DGKG: variants seen among roughly 807,000 people sequenced by gnomAD.
The protein encoded by DGKG is diacylglycerol kinase gamma, also known as DAG kinase gamma.
In DGKG, 78 loss-of-function variants were observed where a neutral mutation model predicts 105.3. The ratio of observed to expected loss-of-function variants is 0.74; its 90% CI spans 0.62 to 0.89. The LOEUF (loss-of-function observed/expected upper bound fraction) is 0.89. Among genes scored for constraint, DGKG ranks in the 40% least tolerant of loss-of-function variants. DGKG has a pLI of 0.00. For synonymous variants in DGKG, 346 were observed against 367.1 expected, an observed-to-expected ratio of 0.94 and a Z score of 0.66; for missense variants, 958 against 1,020.1, an observed-to-expected ratio of 0.94 and a Z score of 0.83.
chr3:186,203,883 C>T lies in DGKG; in HGVS notation c.1917+7912G>A, dbSNP rs536727329. Among the ~76,000 whole-genome samples, 1 of 152,320 alleles carries T rather than the reference C, an allele frequency of 6.6e-6. No individual in the cohort carries two copies. The highest frequency in any genetic ancestry group is 2.1e-4 in the South Asian group (1 of 4,824). On this transcript the variant is annotated intron_variant, in intron 21 of 24. Transcript: ENST00000265022. This position sits in a 1 kb window ranked among gnomAD's most constrained non-coding sequence, Gnocchi z 4.9. ...ACTTTCCTTACTCCAGGGAAAGGCTCTACCTGTGGTAGCTGAGAAGAAGGT... is the reference window on the plus strand; with the variant it reads ...ACTTTCCTTACTCCAGGGAAAGGCTTTACCTGTGGTAGCTGAGAAGAAGGT...
intron 19 of DGKG, among the ~76,000 whole-genome samples, chr3:186,249,622 G>T (rs1721110939): frequency 6.6e-6 from 1 of 152,140 alleles, no homozygotes; most frequent in Non-Finnish European, 1.5e-5. Flanking sequence ...CAGGTGGATC[G>T]TTTGAGGTCA....
At chr3:186,259,423 T>C (rs1167662587) in intron 16 of DGKG, among the ~76,000 whole-genome samples, 2 of 152,204 alleles carry the variant, frequency 1.3e-5, no homozygotes, top group Admixed American at 1.3e-4. Flanking sequence ...GGCTCTGTTC[T>C]GAAATTACTT....
intron 20 of DGKG, among the ~76,000 whole-genome samples, chr3:186,232,395 AT>A (rs1372027909): frequency 6.6e-6 from 1 of 152,244 alleles, no homozygotes; most frequent in Non-Finnish European, 1.5e-5. Flanking sequence ...CTGAGTGTTT[AT>A]TTCTTGGAGG....
chr3:186,284,903 G>C lies in DGKG; in HGVS notation c.545-194C>G, dbSNP rs1054615206. Among the ~76,000 whole-genome samples, 1 of 152,198 alleles carries C rather than the reference G, an allele frequency of 6.6e-6. No homozygotes were observed. The highest frequency in any genetic ancestry group is 2.1e-4 in the South Asian group (1 of 4,834). On this transcript the variant is annotated intron_variant, in intron 6 of 24. Coordinates refer to ENST00000265022, the MANE Select transcript of DGKG (RefSeq NM_001346.3). This position sits in a 1 kb window ranked among gnomAD's most constrained non-coding sequence, Gnocchi z 4.0. ...CTGGGCCAAGGGAGGAGAACCACCT[G>C]GCTTCTGGACCTGTCTAAGCAATAC... is the stretch of plus-strand genomic sequence containing the variant.
rs148251611 is a variant in DGKG at position 186,203,366 on chromosome 3, T to G, written c.1917+8429A>C. ...TGAAACGAGGCCAATGTTGTAGCAG[T>G]GCTGATTCCTGGTTGGTGGGATTGG... On this transcript the variant is annotated intron_variant, in intron 21 of 24. Coordinates refer to ENST00000265022, the MANE Select transcript of DGKG (RefSeq NM_001346.3). This position sits in a 1 kb window ranked among gnomAD's most constrained non-coding sequence, Gnocchi z 4.9. Among the ~76,000 whole-genome samples, 589 of 152,380 alleles carry G rather than the reference T, an allele frequency of 3.9e-3. 10 individuals are homozygous for G. Among genetic ancestry groups the G allele is most frequent in the Admixed American group, 0.035 (538 of 15,312 alleles).
intron 1 of DGKG, among the ~76,000 whole-genome samples, chr3:186,334,874 A>G (rs917307945): frequency 2.6e-5 from 4 of 152,216 alleles, no homozygotes; most frequent in African/African-American, 9.7e-5. Flanking sequence ...TTGGCATAAG[A>G]AAGTCATCGA....
At chr3:186,223,480 C>T (rs917089623) in intron 20 of DGKG, among the ~76,000 whole-genome samples, 1 of 152,110 alleles carries the variant, frequency 6.6e-6, no homozygotes, top group Non-Finnish European at 1.5e-5. Context: ...CGGTAAGTCG[C>T]TCCCTCCTTG....
chr3:186,209,048 T>G (rs534144436), intron 21 of DGKG, among the ~76,000 whole-genome samples: 1 of 151,810 alleles, frequency 6.6e-6, no homozygotes, highest in East Asian at 1.9e-4. Flanking sequence ...AGCACGTGAC[T>G]TTTTCCTGTC....
At chr3:186,353,359 A>T (rs1185635239) in intron 1 of DGKG, among the ~76,000 whole-genome samples, 1 of 151,790 alleles carries the variant, frequency 6.6e-6, no homozygotes, top group Non-Finnish European at 1.5e-5. Context: ...TCTCTATTAA[A>T]AACACAAAAA....
intron 1 of DGKG, among the ~76,000 whole-genome samples, chr3:186,342,156 T>TAATAAACCCTAAAAATATAATAAACCCTA (rs1726119639): frequency 6.6e-6 from 1 of 152,046 alleles, no homozygotes; most frequent in African/African-American, 2.4e-5. Flanking sequence ...CCCTAAAACT[T>TAATAAACCCTAAAAATATAATAAACCCTA]AAAGTATAAT....
chr3:186,307,001 G>A (rs1470152070), intron 2 of DGKG, 24 bp from the exon 3 acceptor site: 3 of 1,526,620 alleles, frequency 2.0e-6, no homozygotes, highest in Non-Finnish European at 2.7e-6. Context: ...ATTCACATGT[G>A]AAACACTGGC....
rs999177613 is a variant in DGKG, at chr3:186,359,636, T to G, written c.-249+2310A>C. On this transcript the variant is annotated intron_variant, in intron 1 of 24. Transcript: ENST00000265022. Reference sequence around the variant, plus strand: ...AGTAATAACACCTCAGAGGGACTCCTGAGGATTAAAGGATATAATGAATAT... The same window carrying G: ...AGTAATAACACCTCAGAGGGACTCCGGAGGATTAAAGGATATAATGAATAT... Among the ~76,000 whole-genome samples the G allele has an allele frequency of 7.9e-5, 12 of 152,300 alleles. No homozygotes were observed. In the South Asian group the frequency reaches 2.5e-3, roughly 32 times the overall value.
chr3:186,238,663 G>A (rs1720533061), intron 20 of DGKG, among the ~76,000 whole-genome samples: 1 of 152,146 alleles, frequency 6.6e-6, no homozygotes, highest in Admixed American at 6.5e-5. Context: ...AGCAATTAAT[G>A]ATTAGCCTAT....
intron 1 of DGKG, among the ~76,000 whole-genome samples, chr3:186,360,367 G>T (rs576392277): frequency 6.6e-6 from 1 of 152,126 alleles, no homozygotes; most frequent in Non-Finnish European, 1.5e-5. Context: ...CTGTAGTAAT[G>T]CCTATAGTGC....
intron 9 of DGKG, among the ~76,000 whole-genome samples, chr3:186,276,608 T>C (rs566339097): frequency 6.6e-6 from 1 of 152,338 alleles, no homozygotes; most frequent in African/African-American, 2.4e-5. Context: ...ACCTCCTGAC[T>C]TTGTTCAGAA....
intron 2 of DGKG, among the ~76,000 whole-genome samples, chr3:186,311,117 C>T (rs76900587): frequency 0.011 from 1,650 of 152,280 alleles, 30 homozygotes; most frequent in African/African-American, 0.037. Context: ...GCTCTATACA[C>T]ACTGTAACCC....
chr3:186,206,476 A>G (rs1718743772), intron 21 of DGKG, among the ~76,000 whole-genome samples: 1 of 152,138 alleles, frequency 6.6e-6, no homozygotes, highest in South Asian at 2.1e-4. Context: ...ATGTAAAATA[A>G]GTGCTTGAGT....
At chr3:186,328,759 A>G (rs1253322779) in intron 1 of DGKG, among the ~76,000 whole-genome samples, 1 of 151,864 alleles carries the variant, frequency 6.6e-6, no homozygotes, top group Non-Finnish European at 1.5e-5. Flanking sequence ...TATTTTTTGT[A>G]GAGACAAGGT....
Position 186,261,745 on chromosome 3 carries a change from G to C in DGKG, c.1303C>G (p.Leu435Val). Reference sequence around the variant, plus strand: ...CTCTTGGGGTTCACCAAGACCAGCAGGGGGTGGGTACCCGGGGTGGGGATG... The same window carrying C: ...CTCTTGGGGTTCACCAAGACCAGCACGGGGTGGGTACCCGGGGTGGGGATG... ...KIIPTPGTHP[L>V]LVLVNPKSGG... The change falls in exon 15 of 25, where the codon CTG becomes GTG. Residue 435 changes from leucine to valine, a missense_variant. Physicochemically the swap from Leu to Val is conservative, Grantham distance 32 (BLOSUM62 1). Transcript: ENST00000265022. 6.2e-7 allele frequency: 1 copy of C among 1,609,158 alleles called. No individual in the cohort carries two copies. The highest frequency in any genetic ancestry group is 1.1e-5 in the South Asian group (1 of 89,696).
Sources: allele counts gnomAD v4.1 joint callset (sites outside exome capture counted in the v4.1 genomes callset), GRCh38; gene constraint gnomAD v4.1.1; non-coding constraint Gnocchi (gnomAD v3.1); transcripts MANE v1.5; gene names NCBI Gene and HGNC (gene_info 2026-07-23, HGNC 2026-07-21).